The following DNM3 variants were observed in gnomAD, a reference collection of about 807,000 sequenced individuals.
DNM3 encodes dynamin 3.
A neutral mutation model predicts 101.6 loss-of-function variants in DNM3; 47 were observed. That is an observed-to-expected ratio of 0.46 (90% CI 0.37 to 0.59). The LOEUF (loss-of-function observed/expected upper bound fraction) is 0.59, where lower values mean the gene tolerates loss of function less well. DNM3 is among the 20% of genes least tolerant of loss of function. The pLI, the probability that DNM3 is intolerant of heterozygous loss-of-function variation, is 0.00. For missense variants in DNM3, 849 were observed against 1,085.7 expected (o/e 0.78, Z 3.06); for synonymous variants, 385 against 387.9 (o/e 0.99, Z 0.09).
Position 172,308,708 on chromosome 1 carries a change from T to G in DNM3, c.1770-20T>G. 1 of 1,355,070 alleles carries G rather than the reference T, an allele frequency of 7.4e-7. No homozygotes were observed. Among genetic ancestry groups the G allele is most frequent in the Non-Finnish European group, 1.0e-6 (1 of 1,003,250 alleles). 83.9% of individuals were successfully genotyped at this position (1,355,070 alleles called of 1,614,324 possible). On this transcript the variant is annotated intron_variant, in intron 15 of 20. Coordinates refer to ENST00000627582, the MANE Select transcript of DNM3 (RefSeq NM_015569.5). ...TTTGGTTCAAACTAAAAGCATGATT[T>G]TTTTTTTTTTTAACTCCAGGAATGT...
At chr1:172,119,832 G>A (rs978171528) in intron 13 of DNM3, among the ~76,000 whole-genome samples, 9 of 152,172 alleles carry the variant, frequency 5.9e-5, no homozygotes, top group South Asian at 2.1e-4. Flanking sequence ...CGTAGACCTC[G>A]GGAGTCATCT....
chr1:171,879,325 G>T (rs548152469), intron 1 of DNM3, among the ~76,000 whole-genome samples: 1 of 152,234 alleles, frequency 6.6e-6, no homozygotes, highest in African/African-American at 2.4e-5. Flanking sequence ...AAAGTCTAGG[G>T]TTCTTTTTGT....
intron 2 of DNM3, among the ~76,000 whole-genome samples, chr1:171,972,923 G>A (rs1175949600): frequency 6.6e-6 from 1 of 152,144 alleles, no homozygotes; most frequent in Non-Finnish European, 1.5e-5. Flanking sequence ...GAAGAGGGTG[G>A]AGCAGAGTTC....
intron 4 of DNM3, among the ~76,000 whole-genome samples, chr1:172,002,876 A>T (rs1374861207): frequency 6.6e-6 from 1 of 152,034 alleles, no homozygotes; most frequent in African/African-American, 2.4e-5. Context: ...GCTTGTTATT[A>T]TCATCAATGT....
intron 4 of DNM3, among the ~76,000 whole-genome samples, chr1:172,002,936 G>A (rs1322872935): frequency 6.6e-6 from 1 of 151,950 alleles, no homozygotes; most frequent in Non-Finnish European, 1.5e-5. Flanking sequence ...TTTTGCCACT[G>A]GGGGTCACTG....
chr1:171,894,325 G>A (rs996422816), intron 1 of DNM3, among the ~76,000 whole-genome samples: 3 of 152,184 alleles, frequency 2.0e-5, no homozygotes, highest in Non-Finnish European at 4.4e-5. Flanking sequence ...AGACAGTCAG[G>A]ATCTTCTTTG....
chr1:172,132,849 T>A (rs546130760), intron 14 of DNM3: 106 of 768,694 alleles, frequency 1.4e-4, no homozygotes, highest in African/African-American at 3.8e-4. Flanking sequence ...AACCTTTTTT[T>A]AAAAAAGTCT....
chr1:171,891,698 T>C (rs2037299345), intron 1 of DNM3, among the ~76,000 whole-genome samples: 1 of 152,222 alleles, frequency 6.6e-6, no homozygotes, highest in African/African-American at 2.4e-5. Context: ...ATTTCTCTGA[T>C]GTTTTTCTCA....
chr1:172,038,933 G>A (rs932331686), intron 7 of DNM3, among the ~76,000 whole-genome samples: 2 of 117,400 alleles, frequency 1.7e-5, no homozygotes, highest in African/African-American at 5.0e-5. Flanking sequence ...CAATAAGGCT[G>A]TAGTTTTTTT....
chr1:171,901,730 A>G (rs1370513033), intron 1 of DNM3, among the ~76,000 whole-genome samples: 1 of 152,254 alleles, frequency 6.6e-6, no homozygotes, highest in Non-Finnish European at 1.5e-5. Context: ...TGCTCCATCA[A>G]GAAATGTTTA....
intron 10 of DNM3, among the ~76,000 whole-genome samples, chr1:172,055,081 C>T (rs2050497048): frequency 6.6e-6 from 1 of 151,342 alleles, no homozygotes; most frequent in African/African-American, 2.4e-5. Context: ...GCTCTGAATA[C>T]ACATAACTAA....
chr1:172,275,450 C>T (rs1049999732), intron 15 of DNM3, among the ~76,000 whole-genome samples: 1 of 151,872 alleles, frequency 6.6e-6, no homozygotes, highest in African/African-American at 2.4e-5. Context: ...CTTTATAGTG[C>T]CTTCTTTCAA....
At chr1:171,976,869 A>G (rs1407882401) in intron 2 of DNM3, among the ~76,000 whole-genome samples, 1 of 152,142 alleles carries the variant, frequency 6.6e-6, no homozygotes, top group African/African-American at 2.4e-5. Flanking sequence ...CTTAAATCTC[A>G]TTTATAAATT....
At chr1:171,876,629 C>T (rs976009188) in intron 1 of DNM3, among the ~76,000 whole-genome samples, 3 of 152,166 alleles carry the variant, frequency 2.0e-5, no homozygotes, top group African/African-American at 7.2e-5. Context: ...TTAGTGACTT[C>T]CAGGGCAGAT....
At chr1:172,148,772 T>C (rs73039377) in intron 14 of DNM3, among the ~76,000 whole-genome samples, 1 of 150,240 alleles carries the variant, frequency 6.7e-6, no homozygotes, top group Non-Finnish European at 1.5e-5. Context: ...TTGTGTAGAT[T>C]AGCACTTTTT....
At chr1:172,121,519 T>C (rs1221041408) in intron 13 of DNM3, among the ~76,000 whole-genome samples, 2 of 152,220 alleles carry the variant, frequency 1.3e-5, no homozygotes, top group Admixed American at 6.5e-5. Context: ...CGAAGCTCAG[T>C]GAGAAGAGGT....
intron 11 of DNM3, among the ~76,000 whole-genome samples, chr1:172,071,619 A>G (rs2052202089): frequency 6.6e-6 from 1 of 151,002 alleles, no homozygotes. Flanking sequence ...TCTGCTCTGG[A>G]AGCTTTGTGG....
At chr1:172,317,246 G>C (rs1294323198) in intron 16 of DNM3, among the ~76,000 whole-genome samples, 8 of 151,446 alleles carry the variant, frequency 5.3e-5, no homozygotes, top group Non-Finnish European at 1.0e-4. Flanking sequence ...GCAGTGTGTA[G>C]AGGGAAATTT....
At chr1:172,135,668 G>C (rs1275076213) in intron 14 of DNM3, among the ~76,000 whole-genome samples, 1 of 142,510 alleles carries the variant, frequency 7.0e-6, no homozygotes, top group African/African-American at 2.4e-5. Context: ...AGCAAGATGT[G>C]AGAATAAAAC....
Sources: allele counts gnomAD v4.1 joint callset (sites outside exome capture counted in the v4.1 genomes callset), GRCh38; gene constraint gnomAD v4.1.1; transcripts MANE v1.5; gene names NCBI Gene and HGNC (gene_info 2026-07-23, HGNC 2026-07-21).